The following KDR variants were observed in gnomAD, a reference collection of about 807,000 sequenced individuals.
The protein encoded by KDR is kinase insert domain receptor.
A neutral mutation model predicts 160.9 loss-of-function variants in KDR; 43 were observed. The observed-to-expected ratio is 0.27, with a 90% CI of 0.21 to 0.34. KDR has a LOEUF of 0.34. KDR is among the 10% of genes least tolerant of loss of function. The pLI is 1.00. For missense variants in KDR, 1,469 were observed against 1,666.4 expected (o/e 0.88, Z 2.06); for synonymous variants, 617 against 600.1 (o/e 1.03, Z -0.41).
intron 27 of KDR, among the ~76,000 whole-genome samples, chr4:55,082,903 G>GACA: frequency 6.6e-6 from 1 of 152,294 alleles, no homozygotes; most frequent in Non-Finnish European, 1.5e-5. Flanking sequence ...CTGGACTAAA[G>GACA]ACAACAACAG....
chr4:55,117,537 T>C (rs1481500163), intron 3 of KDR, among the ~76,000 whole-genome samples: 1 of 152,168 alleles, frequency 6.6e-6, no homozygotes, highest in Non-Finnish European at 1.5e-5. Flanking sequence ...TCCAGTGGCA[T>C]AGGTTATTTT....
intron 10 of KDR, among the ~76,000 whole-genome samples, chr4:55,107,256 G>A (rs924809832): frequency 6.6e-6 from 1 of 152,140 alleles, no homozygotes; most frequent in Non-Finnish European, 1.5e-5. Context: ...TGGGTTGGCT[G>A]CTGTTGTTGT....
At chr4:55,085,745 C>A (rs1047563626) in intron 27 of KDR, among the ~76,000 whole-genome samples, 6 of 152,254 alleles carry the variant, frequency 3.9e-5, no homozygotes, top group East Asian at 1.9e-4. Context: ...GCTGGAAAAA[C>A]CAATTCAAAA....
chr4:55,106,925 C>G (rs1012562834), intron 10 of KDR, 115 bp from the exon 11 acceptor site: 29 of 912,732 alleles, frequency 3.2e-5, no homozygotes, highest in Admixed American at 9.0e-5. Flanking sequence ...ACTTCCAACG[C>G]AGCCTACCAT....
chr4:55,113,294 C>CA lies in KDR; in HGVS notation c.976+9dup, dbSNP rs750283295. ...CAAGGCACAGAATAATTTCCAAGAC[C>CA]ATAGCTTACCATGGACCCTGACAAA... is the stretch of plus-strand genomic sequence containing the variant. On this transcript the variant is annotated intron_variant, in intron 7 of 29. Transcript: ENST00000263923. 2 of 1,613,564 alleles carry CA rather than the reference C, an allele frequency of 1.2e-6. No homozygotes were observed. Among genetic ancestry groups the CA allele is most frequent in the South Asian group, 2.2e-5 (2 of 91,066 alleles).
intron 3 of KDR, among the ~76,000 whole-genome samples, chr4:55,116,825 G>A (rs1720747400): frequency 6.6e-6 from 1 of 152,146 alleles, no homozygotes; most frequent in African/African-American, 2.4e-5. Flanking sequence ...CAGAAGACTA[G>A]GGAAGTAAGG....
chr4:55,107,979 CT>C lies in KDR; in HGVS notation c.1256-87del, dbSNP rs1444472736. 11 of 1,468,710 alleles carry C rather than the reference CT, an allele frequency of 7.5e-6. No individual in the cohort carries two copies. In the African/African-American group the frequency reaches 1.1e-4, roughly 15 times the overall value. The allele number at this position is 1,468,710 out of a possible 1,614,324, so 91.0% of individuals were successfully genotyped here. A position where few individuals can be genotyped will look rare whatever the true frequency, so the allele number is the denominator to read the frequency against. ...GATTTTAGCAACTAAAGCTGACTTTCTTTAAGCATATGATTTTGCTTCCACT... is the reference window on the plus strand; with the variant it reads ...GATTTTAGCAACTAAAGCTGACTTTCTTAAGCATATGATTTTGCTTCCACT... On this transcript the variant is annotated intron_variant, in intron 9 of 29. Coordinates refer to ENST00000263923, the MANE Select transcript of KDR (RefSeq NM_002253.4).
chr4:55,096,503 A>T, intron 18 of KDR, 161 bp from the exon 19 acceptor site: 1 of 604,178 alleles, frequency 1.7e-6, no homozygotes. Context: ...GTGAAGTGTA[A>T]ATTCTATTTT....
intron 19 of KDR, among the ~76,000 whole-genome samples, chr4:55,095,936 G>T (rs1030425408): frequency 2.6e-5 from 4 of 152,080 alleles, no homozygotes; most frequent in Middle Eastern, 3.4e-3. Flanking sequence ...TCCATTTTGG[G>T]GGTAACTACC....
chr4:55,102,499 G>A lies in KDR; in HGVS notation c.1997C>T (p.Ala666Val). 1 of 1,613,686 alleles carries A rather than the reference G, an allele frequency of 6.2e-7. No individual in the cohort carries two copies. Among genetic ancestry groups the A allele is most frequent in the African/African-American group, 1.3e-5 (1 of 75,022 alleles). Residue 666 changes from alanine (A) to valine (V), a missense_variant, in exon 14 of 30, where the codon GCA becomes GTA. Physicochemically the swap from Ala to Val is moderately conservative, Grantham distance 64. Transcript: ENST00000263923. Reference protein sequence around the residue: ...VRQLTVLERVAPTITGNLENQ... With the variant: ...VRQLTVLERVVPTITGNLENQ... ...CTCCAGGTTTCCTGTGATCGTGGGT[G>A]CCACACGCTCTAGACACACAAAAAG...
At chr4:55,095,488 C>T in intron 20 of KDR, 89 bp downstream of exon 20, 10 of 947,428 alleles carry the variant, frequency 1.1e-5, no homozygotes, top group Non-Finnish European at 1.4e-5. Context: ...AAGTTCTTCA[C>T]AAAATTTCAA....
intron 22 of KDR, among the ~76,000 whole-genome samples, chr4:55,090,442 G>A (rs377326424): frequency 3.3e-5 from 5 of 152,146 alleles, no homozygotes; most frequent in African/African-American, 9.7e-5. Flanking sequence ...GTCCGAGAAC[G>A]GGATTTGTTT....
At chr4:55,093,671 G>C (rs557007664) in intron 21 of KDR, among the ~76,000 whole-genome samples, 3 of 152,304 alleles carry the variant, frequency 2.0e-5, no homozygotes, top group African/African-American at 7.2e-5. Flanking sequence ...AGCTTCTAAG[G>C]AAAAGGAGTT....
At position 55,113,412 on chromosome 4, in the gene KDR, T is replaced by G. The variant is rs1157625600; in HGVS notation, c.868A>C (p.Ser290Arg). ...QSGSEMKKFL[S>R]TLTIDGVTRS... ...GTTACACCATCTATAGTTAAGGTGC[T>G]CAAAAATTTCTTCATCTCACTCCCA... The change falls in exon 7 of 30, where the codon AGC (serine) becomes CGC (arginine). Residue 290 changes from serine to arginine, a missense_variant. Coordinates refer to ENST00000263923, the MANE Select transcript of KDR (RefSeq NM_002253.4). 1 of 1,614,008 alleles carries G rather than the reference T, an allele frequency of 6.2e-7. No individual in the cohort carries two copies. Among genetic ancestry groups the G allele is most frequent in the South Asian group, 1.1e-5 (1 of 91,076 alleles).
intron 29 of KDR, among the ~76,000 whole-genome samples, chr4:55,080,943 G>A (rs1312117383): frequency 1.3e-5 from 2 of 152,146 alleles, no homozygotes; most frequent in East Asian, 3.9e-4. Context: ...TTAGTAACTC[G>A]TGTTTATACA....
At chr4:55,111,532 A>G (rs1003362720) in intron 7 of KDR, among the ~76,000 whole-genome samples, 2 of 151,906 alleles carry the variant, frequency 1.3e-5, no homozygotes, top group African/African-American at 4.8e-5. Context: ...CACCTCAACT[A>G]CCCTTGTCTA....
At chr4:55,091,210 C>G (rs1720004552) in intron 22 of KDR, among the ~76,000 whole-genome samples, 1 of 152,120 alleles carries the variant, frequency 6.6e-6, no homozygotes, top group Non-Finnish European at 1.5e-5. Context: ...CATTGCTGAC[C>G]TTCCCACACC....
At chr4:55,116,344 G>C (rs535633641) in intron 3 of KDR, among the ~76,000 whole-genome samples, 8 of 151,882 alleles carry the variant, frequency 5.3e-5, no homozygotes, top group Non-Finnish European at 1.2e-4. Context: ...TTTGAACCGG[G>C]GGGCAGAAGT....
intron 27 of KDR, among the ~76,000 whole-genome samples, chr4:55,082,963 T>G (rs1719775345): frequency 6.6e-6 from 1 of 152,180 alleles, no homozygotes; most frequent in African/African-American, 2.4e-5. Flanking sequence ...TTGCATGGGA[T>G]TCCTCCATCG....
Sources: gnomAD v4.1 joint callset for allele counts (sites outside exome capture counted in the v4.1 genomes callset) on GRCh38, gnomAD v4.1.1 for gene constraint, MANE v1.5 for transcripts, NCBI Gene and HGNC (gene_info 2026-07-23, HGNC 2026-07-21) for gene names.